ST18: variants seen among roughly 807,000 people sequenced by gnomAD.
ST18 encodes the protein ST18 C2H2C-type zinc finger transcription factor.
In ST18, 50 loss-of-function variants were observed where a neutral mutation model predicts 110.0. The observed-to-expected ratio is 0.45, with a 90% CI of 0.36 to 0.58. ST18 has a LOEUF of 0.58. Ranked by LOEUF, ST18 falls within the 20% of genes least tolerant of loss-of-function variation. The pLI, the probability that ST18 is intolerant of heterozygous loss-of-function variation, is 0.00. For synonymous variants in ST18, 461 were observed against 452.4 expected (o/e 1.02, Z -0.24); for missense variants, 1,306 against 1,280.1 (o/e 1.02, Z -0.31).
intron 2 of ST18, chr8:52,408,954 G>C (rs1845474922): frequency 6.6e-6 from 1 of 152,200 alleles, no homozygotes; most frequent in South Asian, 2.1e-4. Context: ...ATCCTAAATA[G>C]AAAGTGAGTC....
intron 16 of ST18, among the ~76,000 whole-genome samples, chr8:52,147,734 AC>A (rs1260562609): frequency 2.6e-5 from 4 of 152,006 alleles, no homozygotes; most frequent in Non-Finnish European, 5.9e-5. Context: ...CTTCTACTGG[AC>A]CCACATCCAC....
chr8:52,278,460 T>G (rs999190494), intron 2 of ST18, among the ~76,000 whole-genome samples: 1 of 152,220 alleles, frequency 6.6e-6, no homozygotes, highest in South Asian at 2.1e-4. Flanking sequence ...TCTGGTTCCC[T>G]GGAGCTCTGG....
intron 13 of ST18, 54 bp downstream of exon 13, chr8:52,163,932 C>G: frequency 7.1e-7 from 1 of 1,400,566 alleles, no homozygotes; most frequent in Non-Finnish European, 1.0e-6. Context: ...AGAGGCCCCG[C>G]TGTGCAGGAG....
chr8:52,346,410 A>AT (rs1340138195), intron 2 of ST18, among the ~76,000 whole-genome samples: 79 of 152,282 alleles, frequency 5.2e-4, no homozygotes, highest in African/African-American at 1.8e-3. Context: ...AAATCCCTTG[A>AT]AAAACTGAGA....
chr8:52,188,477 G>A (rs2073238958), intron 8 of ST18, among the ~76,000 whole-genome samples: 2 of 152,110 alleles, frequency 1.3e-5, no homozygotes, highest in Admixed American at 6.5e-5. Context: ...AGGAATAATA[G>A]GAGATGAGGT....
chr8:52,271,058 C>T (rs553433085), intron 2 of ST18, among the ~76,000 whole-genome samples: 1 of 151,974 alleles, frequency 6.6e-6, no homozygotes, highest in Non-Finnish European at 1.5e-5. Flanking sequence ...GCCGCCACGC[C>T]CAGCTAATTT....
chr8:52,192,141 T>G (rs1380872735), intron 8 of ST18, among the ~76,000 whole-genome samples: 2 of 152,154 alleles, frequency 1.3e-5, no homozygotes, highest in African/African-American at 4.8e-5. Flanking sequence ...AGGCTCTCAC[T>G]AAGACTGATG....
rs1463478623 is a variant in ST18, at chr8:52,212,091, A to G, written c.74T>C (p.Ile25Thr). 2.5e-6 allele frequency: 4 copies of G among 1,605,870 alleles called. No individual in the cohort carries two copies. The highest frequency in any genetic ancestry group is 2.5e-6 in the Non-Finnish European group (3 of 1,178,402). The change falls in exon 8 of 26, where the codon ATC becomes ACC. Residue 25 changes from isoleucine (I) to threonine (T), a missense_variant. Coordinates refer to ENST00000689386, the MANE Select transcript of ST18 (RefSeq NM_001352837.2). ...KGTEVPMDSL[I>T]QELSVAYDCS... Reference sequence around the variant, plus strand: ...GGGTAAATCTTACCTGAGCTCCTGGATTAGTGAATCCATTGGCACTGTTGA... The same window carrying G: ...GGGTAAATCTTACCTGAGCTCCTGGGTTAGTGAATCCATTGGCACTGTTGA...
chr8:52,223,382 G>A (rs777892984), intron 3 of ST18, among the ~76,000 whole-genome samples: 14 of 152,192 alleles, frequency 9.2e-5, no homozygotes, highest in African/African-American at 3.1e-4. Flanking sequence ...GGTGGCTCAC[G>A]CCTGTAATCC....
chr8:52,348,103 T>C (rs1359354474), intron 2 of ST18, among the ~76,000 whole-genome samples: 1 of 151,772 alleles, frequency 6.6e-6, no homozygotes, highest in African/African-American at 2.4e-5. Context: ...ATTTTTTAAG[T>C]GTGGAGGAAA....
rs1259627397 is a variant in ST18 at position 52,113,074 on chromosome 8, G to T, written c.*124C>A. The T allele has an allele frequency of 9.1e-7, 1 of 1,098,084 alleles. No individual in the cohort carries two copies. Among genetic ancestry groups the T allele is most frequent in the Non-Finnish European group, 1.2e-6 (1 of 818,736 alleles). 68.0% of individuals were successfully genotyped at this position (1,098,084 alleles called of 1,614,324 possible). On this transcript the variant is annotated 3_prime_UTR_variant, in exon 26 of 26. Transcript: ENST00000689386. ...ATCAGCTGGGGAAAATAAAATTAGTGCAATGTTGCAAATTGTAAATGCAGT... is the reference window on the plus strand; with the variant it reads ...ATCAGCTGGGGAAAATAAAATTAGTTCAATGTTGCAAATTGTAAATGCAGT...
chr8:52,209,791 ATAT>A (rs2081521709), intron 8 of ST18, among the ~76,000 whole-genome samples: 1 of 42,018 alleles, frequency 2.4e-5, no homozygotes, highest in African/African-American at 5.2e-5. Flanking sequence ...AAAAAAAAAT[ATAT>A]ATATATATAT....
intron 2 of ST18, among the ~76,000 whole-genome samples, chr8:52,379,379 T>C (rs1192513614): frequency 6.6e-6 from 1 of 152,120 alleles, no homozygotes; most frequent in African/African-American, 2.4e-5. Flanking sequence ...ATTACAGGCA[T>C]GAGACACCAC....
At chr8:52,122,967 T>A (rs1394794525) in intron 23 of ST18, among the ~76,000 whole-genome samples, 1 of 152,106 alleles carries the variant, frequency 6.6e-6, no homozygotes, top group Non-Finnish European at 1.5e-5. Context: ...TGAGAAGAGC[T>A]AGAAGGAGCT....
chr8:52,344,470 G>A (rs570460775), intron 2 of ST18, among the ~76,000 whole-genome samples: 5 of 151,880 alleles, frequency 3.3e-5, no homozygotes, highest in African/African-American at 9.7e-5. Flanking sequence ...GCAGGATCTC[G>A]GCTCACTGCA....
chr8:52,201,613 A>C (rs1379468580), intron 8 of ST18, among the ~76,000 whole-genome samples: 2 of 132,462 alleles, frequency 1.5e-5, no homozygotes, highest in African/African-American at 7.6e-5. Flanking sequence ...GAAACAAAAA[A>C]CAAAAAAACA....
intron 17 of ST18, among the ~76,000 whole-genome samples, chr8:52,140,940 C>T (rs1237018645): frequency 6.6e-6 from 1 of 151,964 alleles, no homozygotes; most frequent in South Asian, 2.1e-4. Flanking sequence ...ACAGCAGGTC[C>T]ATGTGGGAAA....
Position 52,172,119 on chromosome 8 carries a change from T to G in ST18, c.742A>C (p.Asn248His). ...CTTTCTGTTTCAGAATCACACCTGT[T>G]CTCACAAGGGATAAATTTGTCACCT... ...TEGDKFIPCENRCDSETERKD... is the reference protein window; with the variant it reads ...TEGDKFIPCEHRCDSETERKD... Residue 248 changes from asparagine to histidine, a missense_variant, in exon 10 of 26, where the codon AAC becomes CAC. Physicochemically the swap from Asn to His is moderately conservative, Grantham distance 68. Coordinates refer to ENST00000689386, the MANE Select transcript of ST18 (RefSeq NM_001352837.2). 1 of 1,614,254 alleles carries G rather than the reference T, an allele frequency of 6.2e-7. No individual in the cohort carries two copies. The highest frequency in any genetic ancestry group is 1.1e-5 in the South Asian group (1 of 91,084).
At chr8:52,349,837 T>A (rs534489535) in intron 2 of ST18, among the ~76,000 whole-genome samples, 1 of 151,400 alleles carries the variant, frequency 6.6e-6, no homozygotes, top group African/African-American at 2.4e-5. Context: ...TGAGGAATCA[T>A]GGAATATCCC....
Sources: allele counts gnomAD v4.1 joint callset (sites outside exome capture counted in the v4.1 genomes callset), GRCh38; gene constraint gnomAD v4.1.1; transcripts MANE v1.5; gene names NCBI Gene and HGNC (gene_info 2026-07-23, HGNC 2026-07-21).